The following RALYL variants were observed in gnomAD, a reference collection of about 807,000 sequenced individuals.
The protein encoded by RALYL is RNA-binding Raly-like protein.
RALYL carries 29 observed loss-of-function variants against 35.1 expected under a neutral mutation model. The ratio of observed to expected loss-of-function variants is 0.83; its 90% confidence interval spans 0.61 to 1.13. RALYL has a LOEUF of 1.13. RALYL is among the 50% of genes most tolerant of loss of function. The pLI is 0.00. For synonymous variants in RALYL, 120 were observed against 127.6 expected, an observed-to-expected ratio of 0.94 and a Z score of 0.40; for missense variants, 359 against 360.4, an observed-to-expected ratio of 1.00 and a Z score of 0.03.
intron 2 of RALYL, among the ~76,000 whole-genome samples, chr8:84,600,165 G>T (rs1815583249): frequency 6.6e-6 from 1 of 151,790 alleles, no homozygotes; most frequent in African/African-American, 2.4e-5. Context: ...CTTTAATATT[G>T]GTTTTACTAT....
At chr8:84,751,500 G>A (rs1041088043) in intron 2 of RALYL, among the ~76,000 whole-genome samples, 5 of 151,962 alleles carry the variant, frequency 3.3e-5, no homozygotes, top group African/African-American at 1.2e-4. Flanking sequence ...GAACCACCAC[G>A]CCTGGCCTGG....
chr8:84,614,476 TC>T (rs965612427), intron 2 of RALYL, among the ~76,000 whole-genome samples: 1 of 151,728 alleles, frequency 6.6e-6, no homozygotes, highest in African/African-American at 2.4e-5. Flanking sequence ...CTTCCCTATT[TC>T]TCCAGAATGA....
At chr8:84,574,928 G>A (rs978526088) in intron 2 of RALYL, among the ~76,000 whole-genome samples, 4 of 152,112 alleles carry the variant, frequency 2.6e-5, no homozygotes, top group Non-Finnish European at 4.4e-5. Context: ...AGTTGTTTAC[G>A]TGACATATAA....
At chr8:84,876,539 C>CAGTGAA (rs1841182336) in intron 7 of RALYL, among the ~76,000 whole-genome samples, 1 of 146,578 alleles carries the variant, frequency 6.8e-6, no homozygotes, top group Non-Finnish European at 1.5e-5. Context: ...GTTAAGTGAA[C>CAGTGAA]AAAAACAGTG....
At chr8:84,259,892 A>G (rs1831923151) in intron 1 of RALYL, among the ~76,000 whole-genome samples, 1 of 152,196 alleles carries the variant, frequency 6.6e-6, no homozygotes, top group Non-Finnish European at 1.5e-5. Flanking sequence ...CAGGATCCCC[A>G]AGAACGGAGA....
chr8:84,758,608 G>C (rs1250907527), intron 2 of RALYL, among the ~76,000 whole-genome samples: 1 of 151,404 alleles, frequency 6.6e-6, no homozygotes, highest in Admixed American at 6.6e-5. Flanking sequence ...TTCACCACGT[G>C]GCCTTCCCAC....
At chr8:84,427,838 C>G (rs1362449781) in intron 1 of RALYL, among the ~76,000 whole-genome samples, 2 of 152,148 alleles carry the variant, frequency 1.3e-5, no homozygotes, top group African/African-American at 4.8e-5. Context: ...CTCTCTCTCC[C>G]CTCCTCACCT....
intron 2 of RALYL, among the ~76,000 whole-genome samples, chr8:84,769,526 C>T (rs907097793): frequency 1.3e-5 from 2 of 152,078 alleles, no homozygotes; most frequent in African/African-American, 4.8e-5. Context: ...TGTGGGAAGC[C>T]GAGGCTGGAG....
At chr8:84,480,427 C>G (rs2053923113) in intron 1 of RALYL, among the ~76,000 whole-genome samples, 1 of 152,054 alleles carries the variant, frequency 6.6e-6, no homozygotes, top group Non-Finnish European at 1.5e-5. Context: ...TGTAGGATTC[C>G]CTTAGGAAGA....
chr8:84,401,637 C>CAA (rs71271985), intron 1 of RALYL, among the ~76,000 whole-genome samples: 562 of 17,362 alleles, frequency 0.032, 84 homozygotes, highest in East Asian at 0.063. Context: ...GACTCTGTCT[C>CAA]AAAAAAAAAA....
chr8:84,433,831 GTA>G lies in RALYL; in HGVS notation c.-23-95466_-23-95465del, dbSNP rs1303143908. Among the ~76,000 whole-genome samples the G allele has an allele frequency of 6.1e-5, 7 of 114,974 alleles. No individual in the cohort carries two copies. In the East Asian group the frequency reaches 1.3e-3, roughly 21 times the overall value. 75.4% of individuals were successfully genotyped at this position (114,974 alleles called of 152,430 possible). A position where few individuals can be genotyped will look rare whatever the true frequency, so the allele number is the denominator to read the frequency against. On this transcript the variant is annotated intron_variant, in intron 1 of 8. Coordinates refer to ENST00000521268, the MANE Select transcript of RALYL (RefSeq NM_173848.7). ...TATGTGTGCGTGTGTGTGTGTGTGT[GTA>G]TGTGTGTGTGTATATATATATATAT...
intron 1 of RALYL, among the ~76,000 whole-genome samples, chr8:84,224,755 C>T (rs1196507183): frequency 6.6e-6 from 1 of 151,690 alleles, no homozygotes; most frequent in African/African-American, 2.4e-5. Flanking sequence ...CTCCTGGGTT[C>T]AAGCAATTCT....
At chr8:84,394,660 C>T (rs1323395606) in intron 1 of RALYL, among the ~76,000 whole-genome samples, 1 of 143,620 alleles carries the variant, frequency 7.0e-6, no homozygotes, top group South Asian at 2.1e-4. Flanking sequence ...ACTGGATATA[C>T]CATATATATG....
At position 84,225,703 on chromosome 8, in the gene RALYL, C is replaced by T. The variant is rs1288253321; in HGVS notation, c.-24+41279C>T. On this transcript the variant is annotated intron_variant, in intron 1 of 8. Transcript: ENST00000521268. ...TTTATTTGGCCTCAAACTTGTGTGA[C>T]TGCCCCCACTCCTGATTTCCACCTT... 2.0e-5 allele frequency among the ~76,000 whole-genome samples: 3 copies of T among 152,288 alleles called. No homozygotes were observed. The East Asian group carries it at 5.8e-4, about 29-fold the overall frequency.
At chr8:84,910,552 G>A (rs1351892485) in intron 8 of RALYL, among the ~76,000 whole-genome samples, 1 of 151,918 alleles carries the variant, frequency 6.6e-6, no homozygotes, top group African/African-American at 2.4e-5. Context: ...GATGTTAAGG[G>A]CTAAAAAGTT....
At chr8:84,223,171 T>TTTCCTTCC (rs1822847229) in intron 1 of RALYL, among the ~76,000 whole-genome samples, 2 of 33,172 alleles carry the variant, frequency 6.0e-5, no homozygotes, top group African/African-American at 2.5e-4. Flanking sequence ...CCTTCCTCCC[T>TTTCCTTCC]TCCCTTCCCT....
At chr8:84,253,605 A>AC (rs1830658625) in intron 1 of RALYL, among the ~76,000 whole-genome samples, 1 of 151,390 alleles carries the variant, frequency 6.6e-6, no homozygotes, top group African/African-American at 2.4e-5. Context: ...CTGCTCTTCA[A>AC]CCCCCGGGGT....
intron 2 of RALYL, among the ~76,000 whole-genome samples, chr8:84,622,426 C>G (rs1455068114): frequency 1.3e-5 from 2 of 152,118 alleles, no homozygotes; most frequent in African/African-American, 2.4e-5. Context: ...AGGCTATGTT[C>G]TAAGTATTTA....
chr8:84,314,380 TAAA>T (rs1239244392), intron 1 of RALYL, among the ~76,000 whole-genome samples: 1 of 151,362 alleles, frequency 6.6e-6, no homozygotes, highest in Non-Finnish European at 1.5e-5. Context: ...ATTGAGCAAA[TAAA>T]AAGAAGAGAA....
Sources: gnomAD v4.1 joint callset for allele counts (sites outside exome capture counted in the v4.1 genomes callset) on GRCh38, gnomAD v4.1.1 for gene constraint, MANE v1.5 for transcripts, NCBI Gene and HGNC (gene_info 2026-07-23, HGNC 2026-07-21) for gene names.